The following GRIK1 variants were observed in gnomAD, a reference collection of about 807,000 sequenced individuals.
The protein encoded by GRIK1 is glutamate receptor ionotropic, kainate 1.
GRIK1 carries 69 observed loss-of-function variants against 105.7 expected under a neutral mutation model. The ratio of observed to expected loss-of-function variants is 0.65; its 90% confidence interval spans 0.54 to 0.80. The LOEUF (loss-of-function observed/expected upper bound fraction) is 0.80, where lower values mean the gene tolerates loss of function less well. Ranked by LOEUF, GRIK1 falls within the 30% of genes least tolerant of loss-of-function variation. The pLI is 0.00. For synonymous variants in GRIK1, 438 were observed against 431.3 expected (o/e 1.02, Z -0.19); for missense variants, 1,109 against 1,167.3 (o/e 0.95, Z 0.73).
chr21:29,726,584 C>T (rs2064469316), intron 1 of GRIK1, among the ~76,000 whole-genome samples: 1 of 152,002 alleles, frequency 6.6e-6, no homozygotes, highest in Admixed American at 6.6e-5. Flanking sequence ...ATTTTCAAAA[C>T]ATTGTTAAGC....
At chr21:29,740,016 A>G (rs1267492739) in intron 1 of GRIK1, among the ~76,000 whole-genome samples, 1 of 152,228 alleles carries the variant, frequency 6.6e-6, no homozygotes, top group Non-Finnish European at 1.5e-5. Flanking sequence ...TGTTTATAAT[A>G]TGCATTAATT....
At position 29,625,534 on chromosome 21, in the gene GRIK1, C is replaced by T. The variant is rs190280792; in HGVS notation, c.1098+17292G>A. 2.3e-3 allele frequency among the ~76,000 whole-genome samples: 351 copies of T among 152,298 alleles called. 2 individuals carry two copies. The highest frequency in any genetic ancestry group is 8.1e-3 in the African/African-American group (337 of 41,564). On this transcript the variant is annotated intron_variant, in intron 7 of 17. Coordinates refer to ENST00000327783, the MANE Select transcript of GRIK1 (RefSeq NM_001330994.2). ...GCCTGCCACTCTCCAATTCATCCTC[C>T]AAAGCTGAGGCCAACCCTCATGTCC...
chr21:29,934,819 T>C (rs2071693285), intron 1 of GRIK1, among the ~76,000 whole-genome samples: 1 of 152,260 alleles, frequency 6.6e-6, no homozygotes, highest in South Asian at 2.1e-4. Context: ...CTATGTAATG[T>C]TAACATTAGG....
intron 1 of GRIK1, among the ~76,000 whole-genome samples, chr21:29,837,735 T>C (rs1022062615): frequency 6.6e-6 from 1 of 152,006 alleles, no homozygotes; most frequent in Non-Finnish European, 1.5e-5. Flanking sequence ...AGACCCACTG[T>C]GATCATAAGA....
intron 1 of GRIK1, among the ~76,000 whole-genome samples, chr21:29,710,658 T>G (rs1325773717): frequency 6.6e-6 from 1 of 152,174 alleles, no homozygotes; most frequent in African/African-American, 2.4e-5. Context: ...ATTTTTCATA[T>G]ACTTATTTAA....
At chr21:29,928,580 G>A (rs1364180994) in intron 1 of GRIK1, among the ~76,000 whole-genome samples, 1 of 152,222 alleles carries the variant, frequency 6.6e-6, no homozygotes, top group Non-Finnish European at 1.5e-5. Context: ...TAACCAGCAG[G>A]ACTTGAAGGT....
intron 1 of GRIK1, among the ~76,000 whole-genome samples, chr21:29,777,219 A>T (rs2065970246): frequency 6.6e-6 from 1 of 152,120 alleles, no homozygotes; most frequent in Non-Finnish European, 1.5e-5. Context: ...ACCTAGAGGG[A>T]AGTGGGTCAA....
At chr21:29,739,901 A>G (rs894482505) in intron 1 of GRIK1, among the ~76,000 whole-genome samples, 13 of 152,196 alleles carry the variant, frequency 8.5e-5, no homozygotes, top group African/African-American at 3.1e-4. Context: ...CCATAATTTT[A>G]CCATAAAGTG....
intron 7 of GRIK1, among the ~76,000 whole-genome samples, chr21:29,608,637 A>ACACTTTCAT (rs1568880687): frequency 6.6e-6 from 1 of 152,112 alleles, no homozygotes; most frequent in African/African-American, 2.4e-5. Context: ...ATCGTCTCAG[A>ACACTTTCAT]CACTTTCATT....
intron 1 of GRIK1, among the ~76,000 whole-genome samples, chr21:29,771,161 T>C (rs59196076): frequency 0.031 from 4,786 of 152,352 alleles, 120 homozygotes; most frequent in Middle Eastern, 0.071. Context: ...CCATAGTGAC[T>C]CTGATAGTTG....
At chr21:29,866,663 G>C (rs185141941) in intron 1 of GRIK1, among the ~76,000 whole-genome samples, 322 of 152,256 alleles carry the variant, frequency 2.1e-3, no homozygotes, top group African/African-American at 7.4e-3. Context: ...CTGATGAACT[G>C]AGCAAGTACA....
chr21:29,703,927 C>G, intron 1 of GRIK1, among the ~76,000 whole-genome samples: 1 of 152,136 alleles, frequency 6.6e-6, no homozygotes, highest in Non-Finnish European at 1.5e-5. Context: ...CATTAATTCA[C>G]TAGGAATGGC....
chr21:29,814,620 C>T (rs900975669), intron 1 of GRIK1, among the ~76,000 whole-genome samples: 17 of 151,970 alleles, frequency 1.1e-4, no homozygotes, highest in South Asian at 4.2e-4. Flanking sequence ...ATAACGATTC[C>T]GACTATGTAT....
In GRIK1 at chr21:29,765,903, G is replaced by A. The variant is rs376623713; in HGVS notation, c.119-71840C>T. Among the ~76,000 whole-genome samples, 13 of 151,676 alleles carry A rather than the reference G, an allele frequency of 8.6e-5. No homozygotes were observed. In the East Asian group the frequency reaches 1.7e-3, roughly 20 times the overall value. The stretch of plus-strand genomic sequence containing the variant: ...ATCTCGCTCTGTCACCCAGGCTGGA[G>A]TGCAGTGGCGCGATCTCGGCTCATT... On this transcript the variant is annotated intron_variant, in intron 1 of 17. Coordinates refer to ENST00000327783, the MANE Select transcript of GRIK1 (RefSeq NM_001330994.2).
chr21:29,890,277 T>C (rs1043874753), intron 1 of GRIK1, among the ~76,000 whole-genome samples: 5 of 152,172 alleles, frequency 3.3e-5, no homozygotes, highest in African/African-American at 7.2e-5. Context: ...TAAGTGCATA[T>C]AGAAACTACC....
At chr21:29,904,886 T>C (rs550132810) in intron 1 of GRIK1, among the ~76,000 whole-genome samples, 1 of 152,182 alleles carries the variant, frequency 6.6e-6, no homozygotes, top group South Asian at 2.1e-4. Flanking sequence ...ATCTCAAAAT[T>C]CCTCCTGCCT....
intron 1 of GRIK1, among the ~76,000 whole-genome samples, chr21:29,764,897 T>C (rs958488437): frequency 3.3e-5 from 5 of 152,232 alleles, no homozygotes; most frequent in Non-Finnish European, 7.3e-5. Context: ...ATTAAAATAG[T>C]GAATTCAGAA....
chr21:29,583,706 G>C (rs2091071192), intron 12 of GRIK1, among the ~76,000 whole-genome samples: 1 of 152,150 alleles, frequency 6.6e-6, no homozygotes, highest in South Asian at 2.1e-4. Flanking sequence ...CTTTCTCTCT[G>C]GGATTCTGAG....
At chr21:29,708,547 C>A (rs565240350) in intron 1 of GRIK1, among the ~76,000 whole-genome samples, 1 of 152,276 alleles carries the variant, frequency 6.6e-6, no homozygotes, top group African/African-American at 2.4e-5. Context: ...TGGATTGTAC[C>A]TAACATGGGG....
Sources: gnomAD v4.1 joint callset for allele counts (sites outside exome capture counted in the v4.1 genomes callset) on GRCh38, gnomAD v4.1.1 for gene constraint, MANE v1.5 for transcripts, NCBI Gene and HGNC (gene_info 2026-07-23, HGNC 2026-07-21) for gene names.